RGS7: variants seen among roughly 807,000 people sequenced by gnomAD.
RGS7 encodes the protein regulator of G-protein signaling 7.
Under a neutral mutation model 81.1 loss-of-function variants are expected in RGS7, and 27 were observed. The observed-to-expected ratio is 0.33, with a 90% CI of 0.25 to 0.46. The LOEUF (loss-of-function observed/expected upper bound fraction) is 0.46, where lower values mean the gene tolerates loss of function less well. Among genes scored for constraint, RGS7 ranks in the 20% least tolerant of loss-of-function variants. RGS7 has a pLI of 1.00. For missense variants in RGS7, 396 were observed against 607.4 expected (o/e 0.65, Z 3.66); for synonymous variants, 208 against 207.7 (o/e 1.00, Z -0.01).
intron 3 of RGS7, among the ~76,000 whole-genome samples, chr1:241,013,942 T>C (rs2059100270): frequency 1.3e-5 from 2 of 152,336 alleles, no homozygotes; most frequent in South Asian, 4.1e-4. Flanking sequence ...GATAATGTAA[T>C]TAACCTTCTT....
At chr1:241,191,997 C>G (rs1028865117) in intron 2 of RGS7, among the ~76,000 whole-genome samples, 22 of 152,308 alleles carry the variant, frequency 1.4e-4, no homozygotes, top group African/African-American at 5.1e-4. Context: ...CAGAGCCTCA[C>G]AAAGGTCAAA....
intron 3 of RGS7, among the ~76,000 whole-genome samples, chr1:241,046,490 AC>A (rs2060938468): frequency 6.6e-6 from 1 of 152,204 alleles, no homozygotes; most frequent in Non-Finnish European, 1.5e-5. Flanking sequence ...AAGTGGCCAA[AC>A]TTTTGATATC....
chr1:240,793,612 T>TATATATATATATATA (rs11270798), intron 18 of RGS7, among the ~76,000 whole-genome samples: 16 of 28,580 alleles, frequency 5.6e-4, no homozygotes, highest in African/African-American at 1.6e-3. Context: ...TATATATATA[T>TATATATATATATATA]TTTTTTTTTT....
At chr1:240,862,731 T>C (rs1344989334) in intron 9 of RGS7, among the ~76,000 whole-genome samples, 1 of 152,174 alleles carries the variant, frequency 6.6e-6, no homozygotes, top group Admixed American at 6.5e-5. Context: ...AACTTAAAAG[T>C]CTTTCAGTTA....
intron 2 of RGS7, among the ~76,000 whole-genome samples, chr1:241,170,967 A>G (rs539007214): frequency 3.2e-4 from 49 of 152,308 alleles, no homozygotes; most frequent in African/African-American, 1.1e-3. Flanking sequence ...TAATTAGACA[A>G]GCAAAACACT....
intron 3 of RGS7, among the ~76,000 whole-genome samples, chr1:241,064,854 G>GCA (rs1407143912): frequency 2.6e-5 from 4 of 152,104 alleles, no homozygotes; most frequent in African/African-American, 9.7e-5. Flanking sequence ...GAGAAAAGAG[G>GCA]CACACATTCT....
At chr1:241,188,769 C>G (rs1444568406) in intron 2 of RGS7, among the ~76,000 whole-genome samples, 1 of 152,140 alleles carries the variant, frequency 6.6e-6, no homozygotes, top group Non-Finnish European at 1.5e-5. Flanking sequence ...ATTAGCCACT[C>G]CACAAATTTG....
chr1:241,290,432 T>C (rs1437032449), intron 2 of RGS7, among the ~76,000 whole-genome samples: 8 of 152,244 alleles, frequency 5.3e-5, no homozygotes, highest in Admixed American at 5.2e-4. Context: ...TGGTTATATG[T>C]GATCCGTTTA....
intron 2 of RGS7, among the ~76,000 whole-genome samples, chr1:241,347,194 G>T (rs1191048721): frequency 2.0e-5 from 3 of 152,114 alleles, no homozygotes; most frequent in Non-Finnish European, 4.4e-5. Context: ...ATGTCAACTG[G>T]GCTTCTAAAT....
At chr1:241,308,848 C>T (rs2080331657) in intron 2 of RGS7, among the ~76,000 whole-genome samples, 2 of 152,182 alleles carry the variant, frequency 1.3e-5, no homozygotes, top group Middle Eastern at 6.8e-3. Flanking sequence ...GTTTTTCCCC[C>T]CAAAATGTTT....
chr1:241,182,718 G>A (rs2071732805), intron 2 of RGS7, among the ~76,000 whole-genome samples: 2 of 147,928 alleles, frequency 1.4e-5, no homozygotes, highest in African/African-American at 5.0e-5. Context: ...ATGTGATCTC[G>A]GCTCAGTGCA....
At chr1:240,940,399 G>A (rs1186141581) in intron 4 of RGS7, among the ~76,000 whole-genome samples, 4 of 152,172 alleles carry the variant, frequency 2.6e-5, no homozygotes, top group Non-Finnish European at 5.9e-5. Flanking sequence ...CCACAGAAGA[G>A]CTTAGGGGGG....
intron 2 of RGS7, among the ~76,000 whole-genome samples, chr1:241,335,688 AACAC>A (rs112464128): frequency 1.3e-5 from 2 of 150,462 alleles, no homozygotes; most frequent in East Asian, 1.9e-4. Context: ...AAGATTTTAA[AACAC>A]ACACACACAC....
At chr1:240,961,628 T>C (rs1300912134) in intron 4 of RGS7, among the ~76,000 whole-genome samples, 1 of 152,190 alleles carries the variant, frequency 6.6e-6, no homozygotes, top group Non-Finnish European at 1.5e-5. Context: ...TAACAACCCC[T>C]GTGAGGTCTA....
chr1:241,285,805 G>C lies in RGS7; in HGVS notation c.78+69894C>G, dbSNP rs113307959. Reference sequence around the variant, plus strand: ...CTCCCGATTATTGTACAATAGTTGAGAGTGCCCTCTGTGGAACATAGTCCT... The same window carrying C: ...CTCCCGATTATTGTACAATAGTTGACAGTGCCCTCTGTGGAACATAGTCCT... On this transcript the variant is annotated intron_variant, in intron 2 of 18. Coordinates refer to ENST00000440928, the MANE Select transcript of RGS7 (RefSeq NM_001364886.1). 4.7e-3 allele frequency among the ~76,000 whole-genome samples: 713 copies of C among 152,264 alleles called. 4 individuals carry two copies. Among genetic ancestry groups the C allele is most frequent in the African/African-American group, 0.016 (661 of 41,526 alleles).
chr1:241,271,000 G>A (rs913037550), intron 2 of RGS7, among the ~76,000 whole-genome samples: 7 of 152,120 alleles, frequency 4.6e-5, no homozygotes, highest in South Asian at 2.1e-4. Context: ...CTCGTGATCC[G>A]CCCGTCTCAG....
intron 3 of RGS7, among the ~76,000 whole-genome samples, chr1:241,077,158 T>C (rs958707103): frequency 6.6e-6 from 1 of 152,216 alleles, no homozygotes; most frequent in African/African-American, 2.4e-5. Context: ...GGGTTCATGA[T>C]AATACTTTTA....
At chr1:241,162,789 A>G (rs2069836160) in intron 2 of RGS7, among the ~76,000 whole-genome samples, 1 of 152,196 alleles carries the variant, frequency 6.6e-6, no homozygotes, top group South Asian at 2.1e-4. Context: ...TACAGAAGGG[A>G]AAACTGAGTC....
chr1:240,827,321 C>T (rs993490679), intron 9 of RGS7, 149 bp from the exon 10 acceptor site: 26 of 714,678 alleles, frequency 3.6e-5, no homozygotes, highest in Admixed American at 3.6e-4. Context: ...CACAGCCAGT[C>T]CCATCAGCAG....
Sources: gnomAD v4.1 joint callset for allele counts (sites outside exome capture counted in the v4.1 genomes callset) on GRCh38, gnomAD v4.1.1 for gene constraint, MANE v1.5 for transcripts, NCBI Gene and HGNC (gene_info 2026-07-23, HGNC 2026-07-21) for gene names.